The following OTX2 variants were observed in gnomAD, a reference collection of about 807,000 sequenced individuals.
OTX2 encodes the protein orthodenticle homeobox 2, also known as homeobox protein OTX2.
Under a neutral mutation model 29.0 loss-of-function variants are expected in OTX2, and 4 were observed. The observed-to-expected ratio is 0.14, with a 90% CI of 0.07 to 0.32. The LOEUF (loss-of-function observed/expected upper bound fraction) is 0.32, where lower values mean the gene tolerates loss of function less well. Among genes scored for constraint, OTX2 ranks in the 10% least tolerant of loss-of-function variants. The pLI is 1.00. For missense variants in OTX2, 298 were observed against 365.9 expected (o/e 0.81, Z 1.51); for synonymous variants, 134 against 141.0 (o/e 0.95, Z 0.35).
Position 56,802,185 on chromosome 14 carries a change from C to G in OTX2, c.444G>C (p.Pro148=), listed in dbSNP as rs147896150. 429 of 1,614,062 alleles carry G rather than the reference C, an allele frequency of 2.7e-4. 1 individual carries two copies. The African/African-American group carries it at 4.3e-3, about 16-fold the overall frequency. The stretch of plus-strand genomic sequence containing the variant: ...CAGGAGCACTGCTGCTGGCAATGGT[C>G]GGGACTGAGGTGCTAGAGGGGGGAG... ...QFTPPSSTSV[P]TIASSSAPVS... is the part of the protein sequence containing the mutation. The change falls in exon 5 of 5, where the codon CCG becomes CCC. Residue 148 remains proline, a synonymous_variant. Coordinates refer to ENST00000672264, the MANE Select transcript of OTX2 (RefSeq NM_021728.4). This position sits in a 1 kb window ranked among gnomAD's most constrained non-coding sequence, Gnocchi z 4.4.
rs199761861 is a variant in OTX2, at chr14:56,802,204, G to C, written c.425C>G (p.Pro142Arg). The part of the protein sequence containing the change: ...ESGTSGQFTP[P>R]SSTSVPTIAS... ...AATGGTCGGGACTGAGGTGCTAGAG[G>C]GGGGAGTGAATTGGCCACTTGTTCC... The change falls in exon 5 of 5, where the codon CCC (proline) becomes CGC (arginine). Residue 142 changes from proline (P) to arginine (R), a missense_variant. Physicochemically the swap from Pro to Arg is moderately radical, Grantham distance 103. Around this residue, in one of 3 missense-constraint regions of OTX2, gnomAD observed 219 missense variants for 223.5 expected, o/e 0.98. Transcript: ENST00000672264. This position sits in a 1 kb window ranked among gnomAD's most constrained non-coding sequence, Gnocchi z 4.4. 368 of 1,614,122 alleles carry C rather than the reference G, an allele frequency of 2.3e-4. 2 individuals are homozygous for C. Among genetic ancestry groups the C allele is most frequent in the Admixed American group, 4.7e-4 (28 of 60,012 alleles).
At position 56,801,713 on chromosome 14, in the gene OTX2, C is replaced by CA. The variant is rs1197615289; in HGVS notation, c.*21dup. On this transcript the variant is annotated 3_prime_UTR_variant, in exon 5 of 5. Coordinates refer to ENST00000672264, the MANE Select transcript of OTX2 (RefSeq NM_021728.4). This position sits in a 1 kb window ranked among gnomAD's most constrained non-coding sequence, Gnocchi z 4.2. ...GCCCAGTATATTTAAAAATCACCCA[C>CA]AAAAAGAGGTTCTACAGGTCTTCAC... The CA allele has an allele frequency of 6.2e-7, 1 of 1,612,504 alleles. No homozygotes were observed. Among genetic ancestry groups the CA allele is most frequent in the South Asian group, 1.1e-5 (1 of 91,016 alleles).
In OTX2 at chr14:56,801,789, A is replaced by G. The variant is rs201396096; in HGVS notation, c.840T>C (p.Ala280=). 2.5e-5 allele frequency: 40 copies of G among 1,614,222 alleles called. No individual in the cohort carries two copies. In the East Asian group the frequency reaches 8.2e-4, roughly 33 times the overall value. ...TCTGATCTTTATAATCCAAGCAGTCAGCATTGAAGTTAAGCTTCCAGGAGG... is the reference window on the plus strand; with the variant it reads ...TCTGATCTTTATAATCCAAGCAGTCGGCATTGAAGTTAAGCTTCCAGGAGG... The part of the protein sequence containing the change: ...QTASWKLNFN[A]DCLDYKDQTS... Residue 280 remains alanine (A), a synonymous_variant, in exon 5 of 5, where the codon GCT becomes GCC. Transcript: ENST00000672264. The surrounding 1 kb of genome is among the most constrained non-coding windows in gnomAD (Gnocchi z 4.2).
At chr14:56,808,815 G>A (rs969767515) in intron 2 of OTX2, among the ~76,000 whole-genome samples, 3 of 152,230 alleles carry the variant, frequency 2.0e-5, no homozygotes, top group Non-Finnish European at 2.9e-5. Context: ...AGTTCTATCT[G>A]TGAAGGAAGC....
chr14:56,809,038 C>G (rs1892185797), intron 2 of OTX2, among the ~76,000 whole-genome samples: 1 of 152,352 alleles, frequency 6.6e-6, no homozygotes, highest in African/African-American at 2.4e-5. Flanking sequence ...CCTCGGCGAA[C>G]CCCTCGGCCC....
intron 2 of OTX2, among the ~76,000 whole-genome samples, chr14:56,809,617 C>G (rs1338147112): frequency 1.3e-5 from 2 of 152,144 alleles, no homozygotes; most frequent in African/African-American, 2.4e-5. Flanking sequence ...AGCGGCGGCC[C>G]CCGGCCCAGG....
At position 56,802,374 on chromosome 14, in the gene OTX2, T is replaced by C. The variant is rs775653719; in HGVS notation, c.274-19A>G. The C allele has an allele frequency of 2.5e-6, 4 of 1,613,710 alleles. No homozygotes were observed. The highest frequency in any genetic ancestry group is 3.4e-6 in the Non-Finnish European group (4 of 1,180,000). On this transcript the variant is annotated intron_variant, in intron 4 of 4. Coordinates refer to ENST00000672264, the MANE Select transcript of OTX2 (RefSeq NM_021728.4). The surrounding 1 kb of genome is among the most constrained non-coding windows in gnomAD (Gnocchi z 4.4). Reference sequence around the variant, plus strand: ...ACCATACCTTGGAAGGGAAAGAAAATTCTTTAACTCGGTTTTGATAGTTCC... The same window carrying C: ...ACCATACCTTGGAAGGGAAAGAAAACTCTTTAACTCGGTTTTGATAGTTCC...
At position 56,801,763 on chromosome 14, in the gene OTX2, G is replaced by A. The variant is rs761138937; in HGVS notation, c.866C>T (p.Thr289Ile). 4 of 1,614,136 alleles carry A rather than the reference G, an allele frequency of 2.5e-6. No individual in the cohort carries two copies. The highest frequency in any genetic ancestry group is 2.2e-5 in the East Asian group (1 of 44,864). ...CAAAACCTGGAATTTCCACGAGGAT[G>A]TCTGATCTTTATAATCCAAGCAGTC... Reference protein sequence around the residue: ...NADCLDYKDQTSSWKFQVL With the variant: ...NADCLDYKDQISSWKFQVL Residue 289 changes from threonine (T) to isoleucine (I), a missense_variant, in exon 5 of 5, where the codon ACA becomes ATA. Transcript: ENST00000672264. The surrounding 1 kb of genome is among the most constrained non-coding windows in gnomAD (Gnocchi z 4.2).
At chr14:56,803,950 T>C (rs2139533114) in intron 4 of OTX2, among the ~76,000 whole-genome samples, 1 of 152,318 alleles carries the variant, frequency 6.6e-6, no homozygotes, top group South Asian at 2.1e-4. Flanking sequence ...TGAAACCTGC[T>C]CAAGGATGGG....
Position 56,810,189 on chromosome 14 carries a change from C to A in OTX2, c.-150G>T, listed in dbSNP as rs1181907559. 6.6e-6 allele frequency: 1 copy of A among 152,130 alleles called. No individual in the cohort carries two copies. Among genetic ancestry groups the A allele is most frequent in the Non-Finnish European group, 1.5e-5 (1 of 68,012 alleles). 9.4% of individuals were successfully genotyped at this position (152,130 alleles called of 1,614,324 possible). A position where few individuals can be genotyped will look rare whatever the true frequency, so the allele number is the denominator to read the frequency against. ...AGCCTCATGGGAGGTTAGAAAAAGT[C>A]AAATATCCTTTAAATTCCAAATAGC... On this transcript the variant is annotated 5_prime_UTR_variant, in exon 2 of 5. Coordinates refer to ENST00000672264, the MANE Select transcript of OTX2 (RefSeq NM_021728.4).
chr14:56,806,897 C>T (rs1224538795), intron 2 of OTX2, among the ~76,000 whole-genome samples: 1 of 152,132 alleles, frequency 6.6e-6, no homozygotes. Flanking sequence ...CACTTATATG[C>T]AAGGATCTCT....
Position 56,801,517 on chromosome 14 carries a change from T to A in OTX2, c.*218A>T. 1.7e-6 allele frequency: 1 copy of A among 596,492 alleles called. No homozygotes were observed. The highest frequency in any genetic ancestry group is 3.0e-6 in the Non-Finnish European group (1 of 336,638). 36.9% of individuals were successfully genotyped at this position (596,492 alleles called of 1,614,324 possible). On this transcript the variant is annotated 3_prime_UTR_variant, in exon 5 of 5. Coordinates refer to ENST00000672264, the MANE Select transcript of OTX2 (RefSeq NM_021728.4). This position sits in a 1 kb window ranked among gnomAD's most constrained non-coding sequence, Gnocchi z 4.2. ...ATCAGGATAACCAATGATCTAAAAC[T>A]ATGACAGGATCTTAAGCAGATTGGT...
At position 56,801,510 on chromosome 14, in the gene OTX2, C is replaced by T; in HGVS notation, c.*225G>A. The stretch of plus-strand genomic sequence containing the variant: ...TTTGCAAATCAGGATAACCAATGAT[C>T]TAAAACTATGACAGGATCTTAAGCA... On this transcript the variant is annotated 3_prime_UTR_variant, in exon 5 of 5. Coordinates refer to ENST00000672264, the MANE Select transcript of OTX2 (RefSeq NM_021728.4). The surrounding 1 kb of genome is among the most constrained non-coding windows in gnomAD (Gnocchi z 4.2). 1.7e-6 allele frequency: 1 copy of T among 588,550 alleles called. No homozygotes were observed. Among genetic ancestry groups the T allele is most frequent in the South Asian group, 2.0e-5 (1 of 48,826 alleles). The allele number at this position is 588,550 out of a possible 1,614,324, so 36.5% of individuals were successfully genotyped here. A position where few individuals can be genotyped will look rare whatever the true frequency, so the allele number is the denominator to read the frequency against.
chr14:56,802,249 C>G lies in OTX2; in HGVS notation c.380G>C (p.Arg127Pro), dbSNP rs199799627. 6.8e-6 allele frequency: 11 copies of G among 1,614,028 alleles called. No homozygotes were observed. The highest frequency in any genetic ancestry group is 6.7e-5 in the Admixed American group (4 of 59,998). The change falls in exon 5 of 5, where the codon CGG becomes CCG. Residue 127 changes from arginine (R) to proline (P), a missense_variant. Around this residue, in one of 3 missense-constraint regions of OTX2, gnomAD observed 219 missense variants for 223.5 expected, o/e 0.98. Transcript: ENST00000672264. This position sits in a 1 kb window ranked among gnomAD's most constrained non-coding sequence, Gnocchi z 4.4. ...TGTTCCACTCTCTGAACTCACTTCC[C>G]GAGCTGGAGATGTCTTCTTTTTGGC... ...RPAKKKTSPAREVSSESGTSG... is the reference protein window; with the variant it reads ...RPAKKKTSPAPEVSSESGTSG...
At position 56,805,497 on chromosome 14, in the gene OTX2, G is replaced by T. The variant is rs779606022; in HGVS notation, c.-41C>A. 7.2e-7 allele frequency: 1 copy of T among 1,393,792 alleles called. No individual in the cohort carries two copies. Among genetic ancestry groups the T allele is most frequent in the Non-Finnish European group, 1.0e-6 (1 of 982,890 alleles). The allele number at this position is 1,393,792 out of a possible 1,614,324, so 86.3% of individuals were successfully genotyped here. On this transcript the variant is annotated 5_prime_UTR_variant, in exon 3 of 5. Coordinates refer to ENST00000672264, the MANE Select transcript of OTX2 (RefSeq NM_021728.4). ...AGGTGCAAAGTCGGCCCAAATCGGG[G>T]GTACCCAGCTGGAAGATCTTGATGC...
In OTX2 at chr14:56,801,795, G is replaced by A; in HGVS notation, c.834C>T (p.Phe278=). Reference sequence around the variant, plus strand: ...CTTTATAATCCAAGCAGTCAGCATTGAAGTTAAGCTTCCAGGAGGCAGTTT... The same window carrying A: ...CTTTATAATCCAAGCAGTCAGCATTAAAGTTAAGCTTCCAGGAGGCAGTTT... The part of the protein sequence containing the change: ...KDQTASWKLN[F]NADCLDYKDQ... The change falls in exon 5 of 5, where the codon TTC becomes TTT. Residue 278 remains phenylalanine, a synonymous_variant. Transcript: ENST00000672264. This position sits in a 1 kb window ranked among gnomAD's most constrained non-coding sequence, Gnocchi z 4.2. The A allele has an allele frequency of 6.2e-7, 1 of 1,614,184 alleles. No homozygotes were observed. The highest frequency in any genetic ancestry group is 8.5e-7 in the Non-Finnish European group (1 of 1,180,038).
intron 2 of OTX2, 113 bp from the exon 3 acceptor site, chr14:56,805,688 G>C (rs1332466404): frequency 1.9e-6 from 1 of 526,654 alleles, no homozygotes; most frequent in African/African-American, 1.9e-5. Flanking sequence ...CGAGGCAGAG[G>C]CTTTTAAAGG....
In OTX2 at chr14:56,802,790, A is replaced by G. The variant is rs1362438547; in HGVS notation, c.274-435T>C. ...ATTCTGTTGTTACAGGCTAACAGGA[A>G]CAGCCTAAATTCATTTACAGTTCAT... On this transcript the variant is annotated intron_variant, in intron 4 of 4. Transcript: ENST00000672264. This position sits in a 1 kb window ranked among gnomAD's most constrained non-coding sequence, Gnocchi z 4.4. Among the ~76,000 whole-genome samples the G allele has an allele frequency of 6.6e-6, 1 of 152,226 alleles. No homozygotes were observed.
At chr14:56,805,894 C>T (rs1228454574) in intron 2 of OTX2, among the ~76,000 whole-genome samples, 5 of 149,696 alleles carry the variant, frequency 3.3e-5, no homozygotes, top group East Asian at 2.0e-4. Context: ...CAAATGCACA[C>T]ATTGCATTCC....
Sources: allele counts gnomAD v4.1 joint callset (sites outside exome capture counted in the v4.1 genomes callset), GRCh38; gene constraint gnomAD v4.1.1; regional missense constraint gnomAD v4.1.1; non-coding constraint Gnocchi (gnomAD v3.1); transcripts MANE v1.5; gene names NCBI Gene and HGNC (gene_info 2026-07-23, HGNC 2026-07-21).